ERBB4: variants seen among roughly 807,000 people sequenced by gnomAD.
ERBB4 encodes the protein erb-b2 receptor tyrosine kinase 4, also known as receptor tyrosine-protein kinase erbB-4.
In ERBB4, 42 loss-of-function variants were observed where a neutral mutation model predicts 158.0. The observed-to-expected ratio is 0.27, with a 90% confidence interval of 0.21 to 0.34. The LOEUF (loss-of-function observed/expected upper bound fraction) is 0.34. Among genes scored for constraint, ERBB4 ranks in the 10% least tolerant of loss-of-function variants. ERBB4 has a pLI of 1.00. For missense variants in ERBB4, 1,333 were observed against 1,624.1 expected, an observed-to-expected ratio of 0.82 and a Z score of 3.08; for synonymous variants, 583 against 558.7, an observed-to-expected ratio of 1.04 and a Z score of -0.61.
intron 16 of ERBB4, among the ~76,000 whole-genome samples, chr2:211,646,194 T>G (rs1250891519): frequency 2.0e-5 from 3 of 151,586 alleles, no homozygotes; most frequent in East Asian, 3.8e-4. Flanking sequence ...TGTAGAGAAA[T>G]GTGTGGAAGG....
At chr2:212,062,956 A>G (rs575711508) in intron 2 of ERBB4, among the ~76,000 whole-genome samples, 1 of 152,348 alleles carries the variant, frequency 6.6e-6, no homozygotes, top group East Asian at 1.9e-4. Flanking sequence ...GGATTGTAGT[A>G]CCTAGCTCAC....
At chr2:212,056,005 A>C (rs564331684) in intron 2 of ERBB4, among the ~76,000 whole-genome samples, 1 of 152,236 alleles carries the variant, frequency 6.6e-6, no homozygotes, top group Non-Finnish European at 1.5e-5. Flanking sequence ...GTCTGAACCC[A>C]TCGCAAAGAA....
intron 25 of ERBB4, among the ~76,000 whole-genome samples, chr2:211,419,271 T>C (rs530374599): frequency 2.2e-4 from 33 of 152,156 alleles, no homozygotes; most frequent in Non-Finnish European, 3.7e-4. Flanking sequence ...AAGGGGATGA[T>C]AATAATAGAA....
chr2:211,392,574 ACACACACACACACACACACACACACACC>A (rs1159888256), intron 25 of ERBB4, among the ~76,000 whole-genome samples: 4 of 148,968 alleles, frequency 2.7e-5, no homozygotes, highest in Non-Finnish European at 4.4e-5. Flanking sequence ...ACACACACAC[ACACACACACACACACACACACACACACC>A]CCAATAATGA....
intron 1 of ERBB4, among the ~76,000 whole-genome samples, chr2:212,170,349 C>T (rs2081477938): frequency 6.6e-6 from 1 of 152,026 alleles, no homozygotes; most frequent in African/African-American, 2.4e-5. Flanking sequence ...GAAATTGGAA[C>T]TTATGTTTAA....
chr2:211,941,940 G>T (rs1454691244), intron 3 of ERBB4, among the ~76,000 whole-genome samples: 9 of 152,036 alleles, frequency 5.9e-5, no homozygotes, highest in Non-Finnish European at 1.2e-4. Context: ...TTTCTTTAAT[G>T]CTCATTACAA....
At chr2:212,115,589 T>C (rs905631627) in intron 2 of ERBB4, among the ~76,000 whole-genome samples, 1 of 152,236 alleles carries the variant, frequency 6.6e-6, no homozygotes, top group Non-Finnish European at 1.5e-5. Flanking sequence ...AACTTTTACA[T>C]GCTCAATTTC....
chr2:211,536,887 T>G (rs752173529), intron 20 of ERBB4, among the ~76,000 whole-genome samples: 3 of 151,786 alleles, frequency 2.0e-5, no homozygotes, highest in Non-Finnish European at 4.4e-5. Context: ...TCTCCAAATC[T>G]TAAATCTTTC....
chr2:212,224,390 G>A (rs1401685991), intron 1 of ERBB4, among the ~76,000 whole-genome samples: 1 of 151,766 alleles, frequency 6.6e-6, no homozygotes, highest in Non-Finnish European at 1.5e-5. Context: ...ATGTGGGTGG[G>A]ATGAAAAAAG....
intron 2 of ERBB4, among the ~76,000 whole-genome samples, chr2:211,973,786 G>A (rs528792977): frequency 2.0e-5 from 3 of 152,118 alleles, no homozygotes; most frequent in Non-Finnish European, 4.4e-5. Flanking sequence ...GCATGTGTAT[G>A]TTCATTACAG....
rs748586400 is a variant in ERBB4, at chr2:212,286,767, A to ATTTTTTTTTTTTTTTTTT, written c.83-161882_83-161865dup. On this transcript the variant is annotated intron_variant, in intron 1 of 27. Coordinates refer to ENST00000342788, the MANE Select transcript of ERBB4 (RefSeq NM_005235.3). ...TAGGCGGGTGGCACCATGAGGGTTA[A>ATTTTTTTTTTTTTTTTTT]TTTTTTTTTTTTTTTTTTTTTTTGT... Among the ~76,000 whole-genome samples the ATTTTTTTTTTTTTTTTTT allele has an allele frequency of 4.1e-3, 161 of 39,560 alleles. 38 individuals are homozygous for ATTTTTTTTTTTTTTTTTT. Among genetic ancestry groups the ATTTTTTTTTTTTTTTTTT allele is most frequent in the Non-Finnish European group, 4.8e-3 (115 of 23,858 alleles). 26.0% of individuals were successfully genotyped at this position (39,560 alleles called of 152,430 possible).
At chr2:212,144,625 T>C (rs187961579) in intron 1 of ERBB4, among the ~76,000 whole-genome samples, 41 of 152,356 alleles carry the variant, frequency 2.7e-4, no homozygotes, top group Admixed American at 2.4e-3. Context: ...TGCAAGGATT[T>C]ATTATGTTTC....
intron 1 of ERBB4, among the ~76,000 whole-genome samples, chr2:212,321,760 T>A (rs1560013131): frequency 6.7e-6 from 1 of 150,202 alleles, no homozygotes; most frequent in Non-Finnish European, 1.5e-5. Flanking sequence ...AGACTTAAAT[T>A]TGAGAATCTT....
At chr2:211,769,274 T>C (rs1210687008) in intron 4 of ERBB4, among the ~76,000 whole-genome samples, 3 of 152,172 alleles carry the variant, frequency 2.0e-5, no homozygotes, top group Non-Finnish European at 2.9e-5. Flanking sequence ...ACTATCAGCA[T>C]TTTGGTCAAA....
At chr2:211,744,432 T>TTAAAAA (rs1401268866) in intron 5 of ERBB4, among the ~76,000 whole-genome samples, 2 of 152,328 alleles carry the variant, frequency 1.3e-5, no homozygotes, top group Non-Finnish European at 1.5e-5. Flanking sequence ...GCTAAATCTA[T>TTAAAAA]TAAAAACAAA....
chr2:212,212,126 A>C (rs991762541), intron 1 of ERBB4, among the ~76,000 whole-genome samples: 1 of 152,116 alleles, frequency 6.6e-6, no homozygotes, highest in African/African-American at 2.4e-5. Flanking sequence ...TAGAACCTTG[A>C]GGAATCACCA....
chr2:211,743,266 G>A (rs2074853048), intron 5 of ERBB4, among the ~76,000 whole-genome samples: 1 of 152,128 alleles, frequency 6.6e-6, no homozygotes, highest in Non-Finnish European at 1.5e-5. Flanking sequence ...CAATTATGAT[G>A]ACTTTAATGC....
intron 2 of ERBB4, among the ~76,000 whole-genome samples, chr2:212,108,203 C>G (rs1002642333): frequency 6.6e-6 from 1 of 151,976 alleles, no homozygotes; most frequent in Non-Finnish European, 1.5e-5. Flanking sequence ...AGACACAGCA[C>G]GAGCAAAAAC....
chr2:212,284,124 A>G (rs1443617309), intron 1 of ERBB4, among the ~76,000 whole-genome samples: 1 of 152,108 alleles, frequency 6.6e-6, no homozygotes, highest in South Asian at 2.1e-4. Context: ...AATTTATCAA[A>G]GTTTTTATTC....
Sources: allele counts gnomAD v4.1 joint callset (sites outside exome capture counted in the v4.1 genomes callset), GRCh38; gene constraint gnomAD v4.1.1; transcripts MANE v1.5; gene names NCBI Gene and HGNC (gene_info 2026-07-23, HGNC 2026-07-21).